Variants in IL1RAPL1 observed in about 807,000 individuals in gnomAD.
IL1RAPL1 encodes the protein interleukin-1 receptor accessory protein-like 1.
A neutral mutation model predicts 48.4 loss-of-function variants in IL1RAPL1; 3 were observed. The ratio of observed to expected loss-of-function variants is 0.06; its 90% CI spans 0.03 to 0.16. The LOEUF (loss-of-function observed/expected upper bound fraction) is 0.16. Ranked by LOEUF, IL1RAPL1 falls within the 10% of genes least tolerant of loss-of-function variation. IL1RAPL1 has a pLI of 1.00. For synonymous variants in IL1RAPL1, 185 were observed against 187.7 expected (o/e 0.99, Z 0.12); for missense variants, 349 against 530.6 (o/e 0.66, Z 3.36).
At chrX:29,763,001 T>C (rs1452889851) in intron 6 of IL1RAPL1, among the ~76,000 whole-genome samples, 1 of 111,040 alleles carries the variant, frequency 9.0e-6, no homozygotes, top group East Asian at 2.8e-4. Context: ...TGTTTGTCAT[T>C]GCTCAGAGCT....
chrX:29,713,713 G>A (rs1444520036), intron 6 of IL1RAPL1, among the ~76,000 whole-genome samples: 5 of 111,410 alleles, frequency 4.5e-5, no homozygotes, highest in Non-Finnish European at 9.4e-5. Context: ...GATTTGTTTA[G>A]ATATAATTTG....
chrX:29,291,866 C>G (rs966705332), intron 3 of IL1RAPL1, among the ~76,000 whole-genome samples: 1 of 112,196 alleles, frequency 8.9e-6, no homozygotes, highest in Non-Finnish European at 1.9e-5. Context: ...AGGAAAGATG[C>G]CCCTCTACTT....
At chrX:29,800,832 A>C (rs1929859731) in intron 6 of IL1RAPL1, among the ~76,000 whole-genome samples, 1 of 67,792 alleles carries the variant, frequency 1.5e-5, no homozygotes. Flanking sequence ...TAAAAATACA[A>C]AAAAAAAAAA....
intron 2 of IL1RAPL1, among the ~76,000 whole-genome samples, chrX:28,913,218 A>G (rs1230112783): frequency 8.9e-6 from 1 of 111,804 alleles, no homozygotes; most frequent in Non-Finnish European, 1.9e-5. Flanking sequence ...TATTTTGGAG[A>G]TAATTATTTC....
intron 3 of IL1RAPL1, among the ~76,000 whole-genome samples, chrX:29,324,218 T>G (rs1932829268): frequency 9.0e-6 from 1 of 111,298 alleles, no homozygotes; most frequent in African/African-American, 3.3e-5. Flanking sequence ...GGGTGATCCC[T>G]TTCCTTCCCA....
At chrX:28,695,793 A>G (rs1259902839) in intron 1 of IL1RAPL1, among the ~76,000 whole-genome samples, 7 of 112,142 alleles carry the variant, frequency 6.2e-5, no homozygotes, top group African/African-American at 2.3e-4. Context: ...GAGTTTACAC[A>G]TGTAAGCTGG....
intron 5 of IL1RAPL1, among the ~76,000 whole-genome samples, chrX:29,559,080 G>C (rs185244954): frequency 8.9e-6 from 1 of 112,049 alleles, no homozygotes. Context: ...CATTAAATCT[G>C]TATGTGGCTT....
chrX:29,342,719 T>C (rs1933099579), intron 3 of IL1RAPL1, among the ~76,000 whole-genome samples: 1 of 112,281 alleles, frequency 8.9e-6, no homozygotes, highest in Non-Finnish European at 1.9e-5. Flanking sequence ...AGTTTTTAAA[T>C]TGTAAATATG....
chrX:28,903,567 G>A (rs1275175432), intron 2 of IL1RAPL1, among the ~76,000 whole-genome samples: 4 of 110,231 alleles, frequency 3.6e-5, no homozygotes, highest in Non-Finnish European at 7.6e-5. Flanking sequence ...TGTTAAAGAA[G>A]GTGTAGATAA....
chrX:29,069,019 C>A (rs1009734514), intron 2 of IL1RAPL1, among the ~76,000 whole-genome samples: 2 of 111,799 alleles, frequency 1.8e-5, no homozygotes. Context: ...TCCCTAAGCC[C>A]CACTCTCTCC....
chrX:29,220,090 G>A (rs937396903), intron 2 of IL1RAPL1, among the ~76,000 whole-genome samples: 5 of 111,851 alleles, frequency 4.5e-5, no homozygotes, highest in African/African-American at 6.5e-5. Context: ...AGGGCTAAGC[G>A]TGCTTTTGTT....
At chrX:29,143,493 C>T (rs1223677515) in intron 2 of IL1RAPL1, among the ~76,000 whole-genome samples, 3 of 111,643 alleles carry the variant, frequency 2.7e-5, no homozygotes, top group Non-Finnish European at 5.6e-5. Flanking sequence ...AAACGGTGCA[C>T]GATTCTGAGT....
chrX:29,069,368 A>G (rs2147439284), intron 2 of IL1RAPL1, among the ~76,000 whole-genome samples: 1 of 111,724 alleles, frequency 9.0e-6, no homozygotes, highest in Admixed American at 9.6e-5. Context: ...TTGGGAACGT[A>G]ATCGAATGTG....
At chrX:29,140,542 T>C (rs1929223500) in intron 2 of IL1RAPL1, among the ~76,000 whole-genome samples, 1 of 112,329 alleles carries the variant, frequency 8.9e-6, no homozygotes, top group Non-Finnish European at 1.9e-5. Flanking sequence ...AAACTGTGAA[T>C]GAAACTGTCA....
chrX:29,163,500 A>G (rs948917568), intron 2 of IL1RAPL1, among the ~76,000 whole-genome samples: 8 of 111,787 alleles, frequency 7.2e-5, no homozygotes, highest in Non-Finnish European at 1.1e-4. Flanking sequence ...AACATGATCA[A>G]GTTGAACTCT....
intron 5 of IL1RAPL1, among the ~76,000 whole-genome samples, chrX:29,405,320 T>TC (rs1398156216): frequency 1.8e-5 from 2 of 109,872 alleles, no homozygotes; most frequent in African/African-American, 3.4e-5. Context: ...CTCTGATACT[T>TC]ATCTCTGTGC....
At chrX:29,738,143 A>G (rs942926740) in intron 6 of IL1RAPL1, among the ~76,000 whole-genome samples, 1 of 112,142 alleles carries the variant, frequency 8.9e-6, no homozygotes, top group African/African-American at 3.2e-5. Flanking sequence ...CTACTTTGCG[A>G]ATCAATTCCA....
At chrX:29,884,930 C>A (rs1932115855) in intron 6 of IL1RAPL1, among the ~76,000 whole-genome samples, 1 of 111,898 alleles carries the variant, frequency 8.9e-6, no homozygotes, top group Admixed American at 9.5e-5. Flanking sequence ...CTCTTATCAA[C>A]CTGGTATAAG....
intron 2 of IL1RAPL1, among the ~76,000 whole-genome samples, chrX:28,996,679 T>C (rs1314918576): frequency 9.0e-6 from 1 of 110,944 alleles, no homozygotes; most frequent in Non-Finnish European, 1.9e-5. Flanking sequence ...ATTTTACGTG[T>C]ACAATTAAGT....
Sources: allele counts gnomAD v4.1 joint callset (sites outside exome capture counted in the v4.1 genomes callset), GRCh38; gene constraint gnomAD v4.1.1; transcripts MANE v1.5; gene names NCBI Gene and HGNC (gene_info 2026-07-23, HGNC 2026-07-21).